The following SENP8 variants were observed in gnomAD, a reference collection of about 807,000 sequenced individuals.
The protein encoded by SENP8 is SUMO peptidase family member, NEDD8 specific.
In SENP8, 10 loss-of-function variants were observed where a neutral mutation model predicts 14.4. That is an observed-to-expected ratio of 0.69 (90% CI 0.43 to 1.18). The LOEUF is 1.18. SENP8 is among the 50% of genes most tolerant of loss of function. The pLI is 0.00. For synonymous variants in SENP8, 94 were observed against 95.5 expected (o/e 0.98, Z 0.09); for missense variants, 202 against 249.4 (o/e 0.81, Z 1.28).
upstream of SENP8, among the ~76,000 whole-genome samples, chr15:72,115,055 T>C (rs2080921140): frequency 6.6e-6 from 1 of 152,230 alleles, no homozygotes; most frequent in Non-Finnish European, 1.5e-5. Context: ...TCAGGAACTA[T>C]ATACTACTAA....
intron 1 of SENP8, among the ~76,000 whole-genome samples, chr15:72,121,608 C>T (rs1356589613): frequency 6.6e-6 from 1 of 151,682 alleles, no homozygotes. Flanking sequence ...TGGTGCCTGC[C>T]TGTGGTCCCA....
chr15:72,118,966 A>T (rs1323325222), intron 1 of SENP8, among the ~76,000 whole-genome samples: 2 of 152,228 alleles, frequency 1.3e-5, no homozygotes, highest in African/African-American at 2.4e-5. Context: ...GGTCAAAGAA[A>T]TACGAAAGGA....
Position 72,139,813 on chromosome 15 carries a change from TG to T in SENP8, c.191del (p.Cys64SerfsTer25). On this transcript the variant is annotated frameshift_variant, in exon 2 of 2. Transcript: ENST00000340912. LOFTEE classifies it high-confidence loss of function. ...ISPEVTQFIKCTSNPAEIAMF... is the reference protein window; with the variant it reads ...ISPEVTQFIKXTSNPAEIAMF... ...CCCTGAAGTCACCCAGTTCATCAAG[TG>T]CACTAGCAACCCAGCAGAGATTGCC... 6.2e-7 allele frequency: 1 copy of T among 1,614,188 alleles called. No homozygotes were observed. Among genetic ancestry groups the T allele is most frequent in the Non-Finnish European group, 8.5e-7 (1 of 1,180,032 alleles).
rs1001747906 is a variant in SENP8 at position 72,141,402 on chromosome 15, G to A, written c.*1140G>A. 6.6e-6 allele frequency: 1 copy of A among 152,184 alleles called. No individual in the cohort carries two copies. The highest frequency in any genetic ancestry group is 6.5e-5 in the Admixed American group (1 of 15,280). The allele number at this position is 152,184 out of a possible 1,614,324, so 9.4% of individuals were successfully genotyped here. A position where few individuals can be genotyped will look rare whatever the true frequency, so the allele number is the denominator to read the frequency against. On this transcript the variant is annotated 3_prime_UTR_variant, in exon 2 of 2. Transcript: ENST00000340912. ...CCAGAAGCACTGATGTGTTTCAGTTGTTTCAAATAGTAAACAACCAGATGA... is the reference window on the plus strand; with the variant it reads ...CCAGAAGCACTGATGTGTTTCAGTTATTTCAAATAGTAAACAACCAGATGA...
intron 1 of SENP8, among the ~76,000 whole-genome samples, chr15:72,131,198 C>T (rs1421732954): frequency 1.3e-5 from 2 of 152,144 alleles, no homozygotes; most frequent in African/African-American, 4.8e-5. Flanking sequence ...AGCAAGACCT[C>T]ATCTCTTAAA....
intron 1 of SENP8, among the ~76,000 whole-genome samples, chr15:72,133,802 CT>C (rs1289106647): frequency 6.6e-6 from 1 of 152,174 alleles, no homozygotes; most frequent in African/African-American, 2.4e-5. Flanking sequence ...CATTCTCACT[CT>C]ATATTGCCAC....
At chr15:72,117,804 TC>T (rs2081055277), upstream of SENP8, 1 of 398,332 alleles carries the variant, frequency 2.5e-6, no homozygotes. Flanking sequence ...GTCGGACGGT[TC>T]CGGGAGGGTG....
In SENP8 at chr15:72,122,641, T is replaced by C. The variant is rs2081179235; in HGVS notation, c.-48+4177T>C. On this transcript the variant is annotated intron_variant, in intron 1 of 1. Transcript: ENST00000340912. ...ATAACTAGCCTATATTGACTTTCTG[T>C]CCATCAAATAATTGGAGGCCATTTG... Among the ~76,000 whole-genome samples, 4 of 152,324 alleles carry C rather than the reference T, an allele frequency of 2.6e-5. No individual in the cohort carries two copies. The South Asian group carries it at 8.3e-4, about 32-fold the overall frequency.
At chr15:72,132,786 A>C (rs1273503276) in intron 1 of SENP8, among the ~76,000 whole-genome samples, 1 of 148,106 alleles carries the variant, frequency 6.8e-6, no homozygotes, top group Non-Finnish European at 1.5e-5. Context: ...ACTGAGTCTT[A>C]TTGATTCTCT....
rs373618948 is a variant in SENP8, at chr15:72,138,920, G to A, written c.-47-657G>A. ...GCAGAGGTTGCAGTGAGCTGAGATC[G>A]TGCCACTGCACTCCAATCTGGGCGA... On this transcript the variant is annotated intron_variant, in intron 1 of 1. Coordinates refer to ENST00000340912, the MANE Select transcript of SENP8 (RefSeq NM_145204.4). 2.1e-4 allele frequency among the ~76,000 whole-genome samples: 31 copies of A among 146,648 alleles called. 1 individual carries two copies. In the South Asian group the frequency reaches 4.8e-3, roughly 23 times the overall value.
intron 1 of SENP8, among the ~76,000 whole-genome samples, chr15:72,129,301 A>G (rs944432082): frequency 1.2e-4 from 18 of 152,100 alleles, no homozygotes; most frequent in Non-Finnish European, 2.6e-4. Flanking sequence ...AGGGCTAGAC[A>G]GGAGGATCAC....
chr15:72,123,268 C>A (rs2081184022), intron 1 of SENP8, among the ~76,000 whole-genome samples: 1 of 152,330 alleles, frequency 6.6e-6, no homozygotes, highest in Non-Finnish European at 1.5e-5. Flanking sequence ...TGAGGTAAAT[C>A]ATGGCTTTAA....
chr15:72,129,432 G>A (rs547866772), intron 1 of SENP8, among the ~76,000 whole-genome samples: 6 of 151,328 alleles, frequency 4.0e-5, no homozygotes, highest in African/African-American at 1.2e-4. Flanking sequence ...GTGCCATTTC[G>A]GCTCACTGCA....
In SENP8 at chr15:72,141,206, T is replaced by C. The variant is rs1365742044; in HGVS notation, c.*944T>C. 1 of 152,246 alleles carries C rather than the reference T, an allele frequency of 6.6e-6. No homozygotes were observed. The highest frequency in any genetic ancestry group is 2.4e-5 in the African/African-American group (1 of 41,466). The allele number at this position is 152,246 out of a possible 1,614,324, so 9.4% of individuals were successfully genotyped here. Reference sequence around the variant, plus strand: ...GGCAGAATTGTTTTTAGTTATGTCATGGTAATTTCAGGATGATTTTTGTAT... The same window carrying C: ...GGCAGAATTGTTTTTAGTTATGTCACGGTAATTTCAGGATGATTTTTGTAT... On this transcript the variant is annotated 3_prime_UTR_variant, in exon 2 of 2. Transcript: ENST00000340912.
At chr15:72,117,415 G>A (rs970834652), upstream of SENP8, among the ~76,000 whole-genome samples, 2 of 152,160 alleles carry the variant, frequency 1.3e-5, no homozygotes, top group African/African-American at 4.8e-5. Flanking sequence ...GGGTACTAAT[G>A]GGGTCTGCTG....
At chr15:72,138,797 CTAAAAAT>C (rs2081351654) in intron 1 of SENP8, among the ~76,000 whole-genome samples, 1 of 150,532 alleles carries the variant, frequency 6.6e-6, no homozygotes, top group Admixed American at 6.6e-5. Flanking sequence ...CCTGTCTCTA[CTAAAAAT>C]ACAAAAAAAA....
At chr15:72,125,834 A>G (rs559884193) in intron 1 of SENP8, among the ~76,000 whole-genome samples, 2 of 151,112 alleles carry the variant, frequency 1.3e-5, no homozygotes, top group Admixed American at 1.3e-4. Context: ...TTATTTATTT[A>G]TTTTTTTGAG....
upstream of SENP8, among the ~76,000 whole-genome samples, chr15:72,116,685 T>C (rs1170698594): frequency 6.6e-6 from 1 of 152,204 alleles, no homozygotes; most frequent in African/African-American, 2.4e-5. Context: ...AGTTCTAGTA[T>C]CTGCAGCAAT....
rs1278645805 is a variant in SENP8, at chr15:72,140,864, G to T, written c.*602G>T. ...ATCTATATAATGTTTGCAAATATTTGATAAAGATGATGTTACCCTATCTTC... is the reference window on the plus strand; with the variant it reads ...ATCTATATAATGTTTGCAAATATTTTATAAAGATGATGTTACCCTATCTTC... On this transcript the variant is annotated 3_prime_UTR_variant, in exon 2 of 2. Transcript: ENST00000340912. 1.2e-5 allele frequency: 2 copies of T among 167,138 alleles called. No individual in the cohort carries two copies. The highest frequency in any genetic ancestry group is 2.9e-5 in the Non-Finnish European group (2 of 68,172). 10.4% of individuals were successfully genotyped at this position (167,138 alleles called of 1,614,324 possible).
Sources: allele counts gnomAD v4.1 joint callset (sites outside exome capture counted in the v4.1 genomes callset), GRCh38; gene constraint gnomAD v4.1.1; transcripts MANE v1.5; gene names NCBI Gene and HGNC (gene_info 2026-07-23, HGNC 2026-07-21).